SIPA1L2: variants seen among roughly 807,000 people sequenced by gnomAD.
SIPA1L2 encodes the protein signal induced proliferation associated 1 like 2, also known as signal-induced proliferation-associated 1-like protein 2.
Under a neutral mutation model 163.9 loss-of-function variants are expected in SIPA1L2, and 56 were observed. The observed-to-expected ratio is 0.34, with a 90% CI of 0.28 to 0.43. SIPA1L2 has a LOEUF of 0.43. SIPA1L2 is among the 20% of genes least tolerant of loss of function. SIPA1L2 has a pLI of 1.00. For synonymous variants in SIPA1L2, 877 were observed against 865.7 expected (o/e 1.01, Z -0.23); for missense variants, 1,974 against 2,193.5 (o/e 0.90, Z 2.00).
chr1:232,483,895 G>A lies in SIPA1L2; in HGVS notation c.1878C>T (p.Asn626=). 1 of 1,614,070 alleles carries A rather than the reference G, an allele frequency of 6.2e-7. No homozygotes were observed. Among genetic ancestry groups the A allele is most frequent in the Non-Finnish European group, 8.5e-7 (1 of 1,179,946 alleles). The change falls in exon 6 of 23, where the codon AAC becomes AAT. Residue 626 remains asparagine (N), a synonymous_variant. Transcript: ENST00000674635. ...AGQSTEEEMY[N]NETAGPAFEE... ...CAAAAGCTGGTCCCGCCGTCTCATTGTTATACATCTCTTCCTCTGTGCTCT... is the reference window on the plus strand; with the variant it reads ...CAAAAGCTGGTCCCGCCGTCTCATTATTATACATCTCTTCCTCTGTGCTCT...
chr1:232,428,649 A>C (rs1426942352), intron 16 of SIPA1L2, 85 bp from the exon 17 acceptor site: 245 of 1,037,076 alleles, frequency 2.4e-4, no homozygotes, highest in Non-Finnish European at 7.5e-5. Context: ...AGCAGTTTCA[A>C]CAGCCACAAA....
At chr1:232,533,341 A>T (rs16857575) in intron 2 of SIPA1L2, among the ~76,000 whole-genome samples, 2,238 of 152,342 alleles carry the variant, frequency 0.015, 58 homozygotes, top group African/African-American at 0.051. Context: ...TGATTGAGTT[A>T]CCTTTTAAAG....
chr1:232,533,790 A>G (rs1026637285), intron 2 of SIPA1L2, among the ~76,000 whole-genome samples: 1 of 152,222 alleles, frequency 6.6e-6, no homozygotes, highest in Non-Finnish European at 1.5e-5. Context: ...AAAGACACTT[A>G]TCTAAAGCTG....
intron 1 of SIPA1L2, among the ~76,000 whole-genome samples, chr1:232,619,829 T>C (rs2102887349): frequency 6.6e-6 from 1 of 152,354 alleles, no homozygotes; most frequent in African/African-American, 2.4e-5. Flanking sequence ...GAAGAACCCC[T>C]TATCCCACTT....
At chr1:232,592,912 T>A (rs114832022) in intron 1 of SIPA1L2, among the ~76,000 whole-genome samples, 2 of 152,208 alleles carry the variant, frequency 1.3e-5, no homozygotes, top group African/African-American at 2.4e-5. Context: ...GGGAAATTAG[T>A]CCCAAGTAAT....
At chr1:232,616,729 A>G (rs879413468) in intron 1 of SIPA1L2, among the ~76,000 whole-genome samples, 8 of 152,246 alleles carry the variant, frequency 5.3e-5, no homozygotes, top group Non-Finnish European at 7.3e-5. Context: ...AGCCCTAAGG[A>G]AAAGTCTTCC....
At chr1:232,508,656 C>A (rs1666841187) in intron 3 of SIPA1L2, among the ~76,000 whole-genome samples, 1 of 152,228 alleles carries the variant, frequency 6.6e-6, no homozygotes, top group Non-Finnish European at 1.5e-5. Flanking sequence ...AAAGCAGCAG[C>A]AAATGGCACA....
At chr1:232,525,644 G>C (rs1667671228) in intron 2 of SIPA1L2, among the ~76,000 whole-genome samples, 1 of 152,124 alleles carries the variant, frequency 6.6e-6, no homozygotes, top group Non-Finnish European at 1.5e-5. Flanking sequence ...GTCGTAGACA[G>C]CACAAAAGAT....
chr1:232,604,102 C>G (rs1293106708), intron 1 of SIPA1L2, among the ~76,000 whole-genome samples: 1 of 152,084 alleles, frequency 6.6e-6, no homozygotes, highest in Non-Finnish European at 1.5e-5. Flanking sequence ...CATCCACAGA[C>G]TCTTGCTTAT....
intron 1 of SIPA1L2, among the ~76,000 whole-genome samples, chr1:232,605,185 GT>G: frequency 6.6e-6 from 1 of 152,148 alleles, no homozygotes; most frequent in Non-Finnish European, 1.5e-5. Flanking sequence ...GCTAATTTTT[GT>G]ATCTTTTTGT....
At chr1:232,558,179 G>A (rs1249791931) in intron 2 of SIPA1L2, among the ~76,000 whole-genome samples, 2 of 152,200 alleles carry the variant, frequency 1.3e-5, no homozygotes, top group East Asian at 1.9e-4. Flanking sequence ...CAAAGAGCAA[G>A]AAGCCTCGAG....
At chr1:232,578,419 A>C (rs1660196366) in intron 1 of SIPA1L2, among the ~76,000 whole-genome samples, 1 of 152,086 alleles carries the variant, frequency 6.6e-6, no homozygotes. Flanking sequence ...AATGTTTCTT[A>C]CAAAAAAAAA....
At chr1:232,523,676 A>AATTTTAT (rs1467320118) in intron 2 of SIPA1L2, among the ~76,000 whole-genome samples, 4 of 152,154 alleles carry the variant, frequency 2.6e-5, no homozygotes, top group African/African-American at 4.8e-5. Flanking sequence ...TAAAAAAAAT[A>AATTTTAT]CAATCCTTCC....
intron 18 of SIPA1L2, among the ~76,000 whole-genome samples, chr1:232,417,886 C>A (rs1052086415): frequency 6.6e-6 from 1 of 152,304 alleles, no homozygotes; most frequent in African/African-American, 2.4e-5. Context: ...CTGTGAGGGC[C>A]GCGGAGGTCA....
intron 1 of SIPA1L2, among the ~76,000 whole-genome samples, chr1:232,622,537 A>T (rs1662869021): frequency 6.6e-6 from 1 of 152,254 alleles, no homozygotes. Context: ...TGGGATTCAA[A>T]TAGGGCTATG....
rs772978624 is a variant in SIPA1L2, at chr1:232,428,441, G to T, written c.4380C>A (p.Asp1460Glu). 27 of 1,579,344 alleles carry T rather than the reference G, an allele frequency of 1.7e-5. No homozygotes were observed. The African/African-American group carries it at 2.6e-4, about 15-fold the overall frequency. ...TTCGCCCCTCCTCCACTAAGGGGCT[G>T]TCAGGAAGCATCAATTTCAGAAAAT... The part of the protein sequence containing the change: ...KEDFLKLMLP[D>E]SPLVEEGRRK... The change falls in exon 17 of 23, where the codon GAC becomes GAA. Residue 1460 changes from aspartate (D) to glutamate (E), a missense_variant. Around this residue, in one of 3 missense-constraint regions of SIPA1L2, gnomAD observed 1,079 missense variants for 1,150.7 expected, o/e 0.94. Coordinates refer to ENST00000674635, the MANE Select transcript of SIPA1L2 (RefSeq NM_020808.5).
At chr1:232,484,061 G>A in intron 5 of SIPA1L2, 95 bp from the exon 6 acceptor site, 2 of 1,203,472 alleles carry the variant, frequency 1.7e-6, no homozygotes, top group East Asian at 4.8e-5. Context: ...AATTGTTCTA[G>A]GAAAGCATGC....
In SIPA1L2 at chr1:232,449,736, A is replaced by G. The variant is rs143528614; in HGVS notation, c.3096-3950T>C. Among the ~76,000 whole-genome samples the G allele has an allele frequency of 2.7e-4, 41 of 150,130 alleles. 1 individual carries two copies. The East Asian group carries it at 8.3e-3, about 30-fold the overall frequency. ...TGAATAAAAAATGGTCCACATGAAA[A>G]CACATCACTGAGGAATTCAGACTCC... On this transcript the variant is annotated intron_variant, in intron 10 of 22. Transcript: ENST00000674635.
At chr1:232,409,390 G>A (rs1055648132) in intron 19 of SIPA1L2, among the ~76,000 whole-genome samples, 8 of 152,248 alleles carry the variant, frequency 5.3e-5, no homozygotes, top group Non-Finnish European at 1.2e-4. Flanking sequence ...TATCTAAGGT[G>A]TCTTGTGACT....
Sources: allele counts gnomAD v4.1 joint callset (sites outside exome capture counted in the v4.1 genomes callset), GRCh38; gene constraint gnomAD v4.1.1; regional missense constraint gnomAD v4.1.1; transcripts MANE v1.5; gene names NCBI Gene and HGNC (gene_info 2026-07-23, HGNC 2026-07-21).